The following FGL1 variants were observed in gnomAD, a reference collection of about 807,000 sequenced individuals.
FGL1 encodes fibrinogen-like protein 1.
FGL1 carries 59 observed loss-of-function variants against 43.7 expected under a neutral mutation model. The ratio of observed to expected loss-of-function variants is 1.35; its 90% CI spans 1.10 to 1.68. FGL1 has a LOEUF of 1.68. FGL1 is among the 40% of genes most tolerant of loss of function. FGL1 has a pLI of 0.00. For missense variants in FGL1, 596 were observed against 373.0 expected, an observed-to-expected ratio of 1.60 and a Z score of -4.92; for synonymous variants, 192 against 126.5, an observed-to-expected ratio of 1.52 and a Z score of -3.48.
intron 5 of FGL1, among the ~76,000 whole-genome samples, chr8:17,870,900 G>C (rs140637679): frequency 0.049 from 7,356 of 150,252 alleles, 583 homozygotes; most frequent in African/African-American, 0.17. Flanking sequence ...GTGAGACTCT[G>C]TCTCAAAAAA....
At chr8:17,886,718 A>G (rs1391974643) in intron 1 of FGL1, among the ~76,000 whole-genome samples, 1 of 152,140 alleles carries the variant, frequency 6.6e-6, no homozygotes, top group Non-Finnish European at 1.5e-5. Flanking sequence ...AGATCGTGCC[A>G]ATGCACTCCA....
Position 17,885,549 on chromosome 8 carries a change from T to G in FGL1, c.6A>C (p.Ala2=). The change falls in exon 2 of 8, where the codon GCA becomes GCC. Residue 2 remains alanine (A), a synonymous_variant. Coordinates refer to ENST00000427924, the MANE Select transcript of FGL1 (RefSeq NM_004467.4). ...TAACAAGGATGAAACTGAACACCTT[T>G]GCCATGTTCCCCCTTGAAAAAACTG... M[A]KVFSFILVTT... is the part of the protein sequence containing the mutation. 1 of 1,613,722 alleles carries G rather than the reference T, an allele frequency of 6.2e-7. No individual in the cohort carries two copies. Among genetic ancestry groups the G allele is most frequent in the Admixed American group, 1.7e-5 (1 of 59,960 alleles).
intron 2 of FGL1, chr8:17,882,522 G>T (rs1237997811): frequency 1.2e-5 from 2 of 171,428 alleles, no homozygotes; most frequent in Non-Finnish European, 1.2e-5. Flanking sequence ...GCGGAGGTGG[G>T]ATTCAAATTC....
chr8:17,875,539 T>TTCTCTC (rs1563452396), intron 3 of FGL1, among the ~76,000 whole-genome samples: 2 of 14,658 alleles, frequency 1.4e-4, no homozygotes, highest in East Asian at 3.3e-3. Flanking sequence ...TTCTTTCTCT[T>TTCTCTC]TCTTTCTTTC....
chr8:17,884,450 C>T (rs992489603), intron 2 of FGL1, among the ~76,000 whole-genome samples: 1 of 152,144 alleles, frequency 6.6e-6, no homozygotes, highest in African/African-American at 2.4e-5. Context: ...CCACCTCGGC[C>T]CCTCAAAGTG....
At chr8:17,886,555 C>T (rs1255712824) in intron 1 of FGL1, among the ~76,000 whole-genome samples, 5 of 151,892 alleles carry the variant, frequency 3.3e-5, no homozygotes, top group African/African-American at 7.3e-5. Context: ...GTCAGGAGCT[C>T]GAGACCAGCC....
intron 5 of FGL1, among the ~76,000 whole-genome samples, chr8:17,871,409 G>T (rs2053357709): frequency 6.6e-6 from 1 of 150,612 alleles, no homozygotes; most frequent in African/African-American, 2.4e-5. Flanking sequence ...CATGAGAATT[G>T]CTTGAGCCAA....
chr8:17,894,622 G>T (rs370568313), intron 1 of FGL1, among the ~76,000 whole-genome samples: 3 of 145,876 alleles, frequency 2.1e-5, no homozygotes, highest in Admixed American at 1.3e-4. Context: ...TATCATTTAC[G>T]TCAAACTCCC....
chr8:17,873,216 C>T (rs1431253866), intron 5 of FGL1, among the ~76,000 whole-genome samples: 1 of 152,116 alleles, frequency 6.6e-6, no homozygotes, highest in Admixed American at 6.5e-5. Context: ...TTTGCTTTCA[C>T]CAATAGAAGA....
Position 17,864,648 on chromosome 8 carries a change from G to C in FGL1, c.883C>G (p.Leu295Val), listed in dbSNP as rs534473541. 6.2e-6 allele frequency: 10 copies of C among 1,613,066 alleles called. No homozygotes were observed. The South Asian group carries it at 9.9e-5, about 16-fold the overall frequency. Residue 295 changes from leucine to valine, a missense_variant, in exon 8 of 8, where the codon CTG becomes GTG. Coordinates refer to ENST00000427924, the MANE Select transcript of FGL1 (RefSeq NM_004467.4). ...WYTWHGWWYS[L>V]KSVVMKIRPN... ...CTAATTTTCATAACCACAGATTTCAGAGAATACCACCACCCATGCCAGGTG... is the reference window on the plus strand; with the variant it reads ...CTAATTTTCATAACCACAGATTTCACAGAATACCACCACCCATGCCAGGTG...
intron 3 of FGL1, among the ~76,000 whole-genome samples, chr8:17,877,914 C>G (rs868444377): frequency 4.6e-5 from 7 of 152,282 alleles, no homozygotes; most frequent in Admixed American, 4.6e-4. Flanking sequence ...CTGGCATTCA[C>G]TGAGTACTTC....
chr8:17,887,834 CAAAAAA>C (rs35899868), intron 1 of FGL1, among the ~76,000 whole-genome samples: 13 of 143,666 alleles, frequency 9.0e-5, no homozygotes, highest in Non-Finnish European at 1.8e-4. Context: ...GACTCCATCT[CAAAAAA>C]AAAAAAAAGT....
chr8:17,869,010 A>T lies in FGL1; in HGVS notation c.503-6T>A. On this transcript the variant is annotated splice_region_variant and splice_polypyrimidine_tract_variant and intron_variant, in intron 5 of 7. Coordinates refer to ENST00000427924, the MANE Select transcript of FGL1 (RefSeq NM_004467.4). Reference sequence around the variant, plus strand: ...GATTTTTAAAGTGTAGTCTTCTAAAAAAGAAACAAGCAATTATAATTTTTA... The same window carrying T: ...GATTTTTAAAGTGTAGTCTTCTAAATAAGAAACAAGCAATTATAATTTTTA... 1 of 1,572,144 alleles carries T rather than the reference A, an allele frequency of 6.4e-7. No individual in the cohort carries two copies. The highest frequency in any genetic ancestry group is 8.7e-7 in the Non-Finnish European group (1 of 1,152,170).
In FGL1 at chr8:17,864,730, A is replaced by G. The variant is rs777145494; in HGVS notation, c.801T>C (p.Asn267=). 1.3e-6 allele frequency: 2 copies of G among 1,558,032 alleles called. No individual in the cohort carries two copies. Among genetic ancestry groups the G allele is most frequent in the Admixed American group, 4.1e-5 (2 of 49,012 alleles). Residue 267 remains asparagine (N), a synonymous_variant, in exon 8 of 8, where the codon AAT becomes AAC. Coordinates refer to ENST00000427924, the MANE Select transcript of FGL1 (RefSeq NM_004467.4). The stretch of plus-strand genomic sequence containing the variant: ...TGTAGGGGCCGCTGTAGTATACACC[A>G]TTCAGGTTTGCAGAGTGACACCTAG... ...WFNRCHSANL[N]GVYYSGPYTA...
intron 3 of FGL1, 106 bp from the exon 4 acceptor site, chr8:17,874,627 A>T: frequency 5.3e-6 from 4 of 753,172 alleles, no homozygotes; most frequent in Non-Finnish European, 8.3e-6. Context: ...GACAGATAAC[A>T]CATGGTATAG....
At chr8:17,881,562 G>T (rs562071669) in intron 3 of FGL1, among the ~76,000 whole-genome samples, 16 of 151,582 alleles carry the variant, frequency 1.1e-4, no homozygotes, top group African/African-American at 2.9e-4. Context: ...GGCTGGGCAC[G>T]GTGGCTCACG....
At position 17,868,604 on chromosome 8, in the gene FGL1, A is replaced by G. The variant is rs377266452; in HGVS notation, c.723T>C (p.His241=). Residue 241 remains histidine, a synonymous_variant, in exon 7 of 8, where the codon CAT becomes CAC. Coordinates refer to ENST00000427924, the MANE Select transcript of FGL1 (RefSeq NM_004467.4). ...CTGCGCAGTTCCCTTCATAGTTGTC[A>G]TGATCTCTGTCCCACGTGCTGAATT... ...RMKFSTWDRD[H]DNYEGNCAEE... 1 of 1,613,978 alleles carries G rather than the reference A, an allele frequency of 6.2e-7. No individual in the cohort carries two copies. Among genetic ancestry groups the G allele is most frequent in the African/African-American group, 1.3e-5 (1 of 74,928 alleles).
intron 4 of FGL1, 60 bp from the exon 5 acceptor site, chr8:17,874,176 C>A (rs1050663755): frequency 7.1e-7 from 1 of 1,418,094 alleles, no homozygotes; most frequent in East Asian, 2.3e-5. Flanking sequence ...CCAAAGCGAC[C>A]ACCACCCACC....
At position 17,895,432 on chromosome 8, in the gene FGL1, C is replaced by T. The variant is rs1004353012; in HGVS notation, c.-18+15G>A. The stretch of plus-strand genomic sequence containing the variant: ...TACAAGCATGTCAAAAATGCAGAGA[C>T]ATTAAATAACTTGCCTAAAGTCAGA... On this transcript the variant is annotated intron_variant, in intron 1 of 7. Transcript: ENST00000427924. 2 of 1,283,052 alleles carry T rather than the reference C, an allele frequency of 1.6e-6. No individual in the cohort carries two copies. The highest frequency in any genetic ancestry group is 3.0e-5 in the African/African-American group (2 of 65,678). 79.5% of individuals were successfully genotyped at this position (1,283,052 alleles called of 1,614,324 possible).
Sources: gnomAD v4.1 joint callset for allele counts (sites outside exome capture counted in the v4.1 genomes callset) on GRCh38, gnomAD v4.1.1 for gene constraint, MANE v1.5 for transcripts, NCBI Gene and HGNC (gene_info 2026-07-23, HGNC 2026-07-21) for gene names.